MKI67: variants seen among roughly 807,000 people sequenced by gnomAD.
MKI67 encodes marker of proliferation Ki-67.
A neutral mutation model predicts 233.5 loss-of-function variants in MKI67; 152 were observed. The ratio of observed to expected loss-of-function variants is 0.65; its 90% CI spans 0.57 to 0.74. MKI67 has a LOEUF of 0.74. Among genes scored for constraint, MKI67 ranks in the 30% least tolerant of loss-of-function variants. The probability of loss-of-function intolerance (pLI) is 0.00; values close to 1 mark genes in which losing one functional copy is unlikely to be tolerated. For synonymous variants in MKI67, 1,465 were observed against 1,418.5 expected, an observed-to-expected ratio of 1.03 and a Z score of -0.74; for missense variants, 3,940 against 3,885.2, an observed-to-expected ratio of 1.01 and a Z score of -0.37.
intron 14 of MKI67, 93 bp from the exon 15 acceptor site, chr10:128,099,348 G>GT (rs1564996149): frequency 1.2e-6 from 1 of 813,380 alleles, no homozygotes; most frequent in African/African-American, 1.8e-5. Context: ...GGCTTACTAG[G>GT]TATTATGCAG....
In MKI67 at chr10:128,107,489, T is replaced by TGCTGGG. The variant is rs139382420; in HGVS notation, c.4350_4351insCCCAGC (p.Gly1450_Ser1451insProSer). ...TCCTTAGTTTTTGGGTGCCTCTTGCTACCAGTTACACTTGCTGCTGGGTCC... is the reference window on the plus strand; with the variant it reads ...TCCTTAGTTTTTGGGTGCCTCTTGCTGCTGGGACCAGTTACACTTGCTGCTGGGTCC... On this transcript the variant is annotated inframe_insertion, in exon 13 of 15. Coordinates refer to ENST00000368654, the MANE Select transcript of MKI67 (RefSeq NM_002417.5). 2.0e-3 allele frequency: 3,181 copies of TGCTGGG among 1,614,172 alleles called. 43 individuals are homozygous for TGCTGGG. The African/African-American group carries it at 0.035, about 18-fold the overall frequency.
rs368483125 is a variant in MKI67, at chr10:128,104,313, C to T, written c.7527G>A (p.Thr2509=). Residue 2509 remains threonine, a synonymous_variant, in exon 13 of 15, where the codon ACG becomes ACA. Coordinates refer to ENST00000368654, the MANE Select transcript of MKI67 (RefSeq NM_002417.5). ...SKLTRTSGET[T]QTHTEPTGDS... ...CTCCTGTTGGCTCTGTGTGTGTTTG[C>T]GTAGTCTCCCCTGATGTCCGTGTGA... The T allele has an allele frequency of 6.3e-5, 102 of 1,614,128 alleles. 1 individual carries two copies. The African/African-American group carries it at 8.9e-4, about 14-fold the overall frequency.
intron 6 of MKI67, 117 bp from the exon 7 acceptor site, chr10:128,116,124 G>A (rs1852802372): frequency 1.6e-6 from 2 of 1,213,184 alleles, no homozygotes; most frequent in Admixed American, 5.3e-5. Context: ...CTTTTACTTG[G>A]CCTACAAATT....
Position 128,106,962 on chromosome 10 carries a change from T to C in MKI67, c.4878A>G (p.Pro1626=), listed in dbSNP as rs762665078. 6.2e-7 allele frequency: 1 copy of C among 1,614,060 alleles called. No individual in the cohort carries two copies. The highest frequency in any genetic ancestry group is 1.3e-5 in the African/African-American group (1 of 74,900). Reference sequence around the variant, plus strand: ...TCTTGAGCCGTCGCTTGGAGCTTGCTGGGTTTTTGTCTGGGTCTGGTTGTG... The same window carrying C: ...TCTTGAGCCGTCGCTTGGAGCTTGCCGGGTTTTTGTCTGGGTCTGGTTGTG... The part of the protein sequence containing the change: ...KSSQPDPDKN[P]ASSKRRLKTS... Residue 1626 remains proline (P), a synonymous_variant, in exon 13 of 15, where the codon CCA becomes CCG. Transcript: ENST00000368654.
Position 128,125,821 on chromosome 10 carries a change from CCT to C in MKI67, c.-89-67_-89-66del. ...TAAGAAGGGCCCCGTGCCCAATTCA[CCT>C]ATCCCCGGCCACAGAAGCGCACACC... On this transcript the variant is annotated intron_variant, in intron 1 of 14. Coordinates refer to ENST00000368654, the MANE Select transcript of MKI67 (RefSeq NM_002417.5). The surrounding 1 kb of genome is among the most constrained non-coding windows in gnomAD (Gnocchi z 5.3). The C allele has an allele frequency of 1.4e-6, 1 of 698,224 alleles. No individual in the cohort carries two copies. Among genetic ancestry groups the C allele is most frequent in the African/African-American group, 1.8e-5 (1 of 56,470 alleles). 43.3% of individuals were successfully genotyped at this position (698,224 alleles called of 1,614,324 possible). A position where few individuals can be genotyped will look rare whatever the true frequency, so the allele number is the denominator to read the frequency against.
Position 128,112,411 on chromosome 10 carries a change from C to T in MKI67, c.1691G>A (p.Gly564Asp), listed in dbSNP as rs145376347. 1.2e-6 allele frequency: 2 copies of T among 1,614,120 alleles called. No individual in the cohort carries two copies. The highest frequency in any genetic ancestry group is 2.2e-5 in the East Asian group (1 of 44,892). Residue 564 changes from glycine (G) to aspartate (D), a missense_variant, in exon 9 of 15, where the codon GGT becomes GAT. By Grantham distance (94) the Gly-to-Asp change is moderately conservative (BLOSUM62 -1). Coordinates refer to ENST00000368654, the MANE Select transcript of MKI67 (RefSeq NM_002417.5). ...QPQPSGKQES[G>D]SEIHVEVKAQ... ...CTTCACTTCCACATGGATTTCTGAACCTGACTCTTGTTTTCCTGATGGTTG... is the reference window on the plus strand; with the variant it reads ...CTTCACTTCCACATGGATTTCTGAATCTGACTCTTGTTTTCCTGATGGTTG...
At chr10:128,113,208 C>T (rs1457731998) in intron 8 of MKI67, among the ~76,000 whole-genome samples, 3 of 89,084 alleles carry the variant, frequency 3.4e-5, no homozygotes, top group Non-Finnish European at 2.6e-5. Flanking sequence ...ATCAAGGACT[C>T]CCCCGACTCG....
chr10:128,107,048 G>A lies in MKI67; in HGVS notation c.4792C>T (p.Arg1598Ter), dbSNP rs746363806. ...LAGFKELFQT[R>*]GHTEESMTND... ...GTCATTGATTCCTCAGTGTGACCTC[G>A]TGTCTGGAAGAGCTCTTTAAAGCCA... The change falls in exon 13 of 15, where the codon CGA (arginine) becomes TGA (stop). Residue 1598 changes from arginine to a stop codon, truncating the protein, a stop_gained. Transcript: ENST00000368654. LOFTEE classifies it high-confidence loss of function. 7 of 1,613,954 alleles carry A rather than the reference G, an allele frequency of 4.3e-6. No individual in the cohort carries two copies. The highest frequency in any genetic ancestry group is 1.3e-5 in the African/African-American group (1 of 74,876).
Position 128,104,985 on chromosome 10 carries a change from A to G in MKI67, c.6855T>C (p.Thr2285=). ...CTGGCAGGTCCAATTTCTGCACTGG[A>G]GTTCCCATAAATGCTTTCATGTCTT... ...DEKDMKAFMG[T]PVQKLDLPGN... is the part of the protein sequence containing the mutation. The change falls in exon 13 of 15, where the codon ACT becomes ACC. Residue 2285 remains threonine (T), a synonymous_variant. Transcript: ENST00000368654. 6.2e-7 allele frequency: 1 copy of G among 1,612,758 alleles called. No homozygotes were observed.
Position 128,123,095 on chromosome 10 carries a change from T to G in MKI67, c.167A>C (p.Gln56Pro), listed in dbSNP as rs915294450. 1.2e-6 allele frequency: 2 copies of G among 1,613,476 alleles called. No homozygotes were observed. Among genetic ancestry groups the G allele is most frequent in the Non-Finnish European group, 1.7e-6 (2 of 1,179,566 alleles). Residue 56 changes from glutamine (Q) to proline (P), a missense_variant, in exon 3 of 15, where the codon CAG (glutamine) becomes CCG (proline). By Grantham distance (76) the Gln-to-Pro change is moderately conservative. Coordinates refer to ENST00000368654, the MANE Select transcript of MKI67 (RefSeq NM_002417.5). Reference sequence around the variant, plus strand: ...ATCTTCAAAAAACCCACTCACCTCCTGCTCATGGATTTCAATTTTGCAATG... The same window carrying G: ...ATCTTCAAAAAACCCACTCACCTCCGGCTCATGGATTTCAATTTTGCAATG... ...KQHCKIEIHE[Q>P]EAILHNFSST...
rs1347390219 is a variant in MKI67, at chr10:128,103,868, C to A, written c.7972G>T (p.Glu2658Ter). 3 of 1,613,934 alleles carry A rather than the reference C, an allele frequency of 1.9e-6. No homozygotes were observed. Among genetic ancestry groups the A allele is most frequent in the Non-Finnish European group, 2.5e-6 (3 of 1,179,998 alleles). ...QRAKKKPNPVEEEPSRRRPRA... is the reference protein window; with the variant it reads ...QRAKKKPNPV Reference sequence around the variant, plus strand: ...GGCCTTCTCCTGCTGGGTTCCTCTTCTACTGGGTTTGGTTTCTTCTTTGCA... The same window carrying A: ...GGCCTTCTCCTGCTGGGTTCCTCTTATACTGGGTTTGGTTTCTTCTTTGCA... The change falls in exon 13 of 15, where the codon GAA (glutamate) becomes TAA (stop). Residue 2658 changes from glutamate to a stop codon, truncating the protein, a stop_gained. Transcript: ENST00000368654. LOFTEE classifies it high-confidence loss of function.
In MKI67 at chr10:128,125,098, G is replaced by A. The variant is rs544029537; in HGVS notation, c.92+478C>T. On this transcript the variant is annotated intron_variant, in intron 2 of 14. Transcript: ENST00000368654. The surrounding 1 kb of genome is among the most constrained non-coding windows in gnomAD (Gnocchi z 5.3). ...CAGGGTTATTACCACCACCAAACAG[G>A]ACAGCAATATAAGAGGAAACGTTCT... 2.6e-5 allele frequency among the ~76,000 whole-genome samples: 4 copies of A among 152,270 alleles called. No homozygotes were observed. The South Asian group carries it at 8.3e-4, about 32-fold the overall frequency.
At chr10:128,110,881 C>T (rs1310825944) in intron 11 of MKI67, among the ~76,000 whole-genome samples, 1 of 152,236 alleles carries the variant, frequency 6.6e-6, no homozygotes, top group Non-Finnish European at 1.5e-5. Context: ...CTGCTAGGAT[C>T]TAGAGGCCAA....
chr10:128,101,625 T>C lies in MKI67; in HGVS notation c.9338A>G (p.Glu3113Gly). 6.2e-7 allele frequency: 1 copy of C among 1,613,930 alleles called. No homozygotes were observed. Among genetic ancestry groups the C allele is most frequent in the Non-Finnish European group, 8.5e-7 (1 of 1,179,994 alleles). Reference sequence around the variant, plus strand: ...TTCATTTCTGTTTATTTCTATTCTTTCTGCTAATACAAAGACCTCAGTTAT... The same window carrying C: ...TTCATTTCTGTTTATTTCTATTCTTCCTGCTAATACAAAGACCTCAGTTAT... ...QQITEVFVLA[E>G]RIEINRNEKK... is the part of the protein sequence containing the mutation. Residue 3113 changes from glutamate (E) to glycine (G), a missense_variant, in exon 14 of 15, where the codon GAA becomes GGA. Glu to Gly is a moderately conservative substitution (Grantham distance 98, BLOSUM62 -2). Coordinates refer to ENST00000368654, the MANE Select transcript of MKI67 (RefSeq NM_002417.5).
chr10:128,102,726 T>C lies in MKI67; in HGVS notation c.9114A>G (p.Arg3038=), dbSNP rs564902009. Residue 3038 remains arginine (R), a synonymous_variant, in exon 13 of 15, where the codon AGA becomes AGG. Transcript: ENST00000368654. Reference sequence around the variant, plus strand: ...TGACCACGGGTTCGGATGATTTGCCTCTTGCCCTGGGAGCAACCCTCTGCT... The same window carrying C: ...TGACCACGGGTTCGGATGATTTGCCCCTTGCCCTGGGAGCAACCCTCTGCT... ...SKKQRVAPRA[R]GKSSEPVVIM... is the part of the protein sequence containing the mutation. 41 of 1,614,222 alleles carry C rather than the reference T, an allele frequency of 2.5e-5. No homozygotes were observed. The East Asian group carries it at 8.9e-4, about 35-fold the overall frequency.
Position 128,099,023 on chromosome 10 carries a change from C to A in MKI67, c.*167G>T. ...CAGTCCAGGAGCCCAGCAGTGCTCCCAGTGGAGTTTATGAAGCCGATTCAG... is the reference window on the plus strand; with the variant it reads ...CAGTCCAGGAGCCCAGCAGTGCTCCAAGTGGAGTTTATGAAGCCGATTCAG... On this transcript the variant is annotated 3_prime_UTR_variant, in exon 15 of 15. Coordinates refer to ENST00000368654, the MANE Select transcript of MKI67 (RefSeq NM_002417.5). 1.8e-6 allele frequency: 1 copy of A among 547,776 alleles called. No homozygotes were observed. The highest frequency in any genetic ancestry group is 3.2e-6 in the Non-Finnish European group (1 of 312,194). 33.9% of individuals were successfully genotyped at this position (547,776 alleles called of 1,614,324 possible). A position where few individuals can be genotyped will look rare whatever the true frequency, so the allele number is the denominator to read the frequency against.
chr10:128,103,482 C>A lies in MKI67; in HGVS notation c.8358G>T (p.Arg2786=), dbSNP rs761507382. ...GGGCACTTTCCCTGGGTGCTCTTGG[C>A]CGTCTCCTGCTGCCAGTTACACTTG... is the stretch of plus-strand genomic sequence containing the variant. ...PAASVTGSRR[R]PRAPRESAQA... Residue 2786 remains arginine, a synonymous_variant, in exon 13 of 15, where the codon CGG becomes CGT. Coordinates refer to ENST00000368654, the MANE Select transcript of MKI67 (RefSeq NM_002417.5). 4 of 1,613,926 alleles carry A rather than the reference C, an allele frequency of 2.5e-6. No homozygotes were observed. The highest frequency in any genetic ancestry group is 3.4e-6 in the Non-Finnish European group (4 of 1,179,920).
At chr10:128,124,401 G>T (rs1853014080) in intron 2 of MKI67, among the ~76,000 whole-genome samples, 1 of 152,164 alleles carries the variant, frequency 6.6e-6, no homozygotes, top group South Asian at 2.1e-4. Context: ...CTGGTAGGAT[G>T]CCCACCCTGA....
At chr10:128,119,041 T>C (rs1431997090) in intron 5 of MKI67, among the ~76,000 whole-genome samples, 1 of 152,200 alleles carries the variant, frequency 6.6e-6, no homozygotes, top group Admixed American at 6.5e-5. Flanking sequence ...ACCAACTTAG[T>C]GCTCTGATTT....
Sources: gnomAD v4.1 joint callset for allele counts (sites outside exome capture counted in the v4.1 genomes callset) on GRCh38, gnomAD v4.1.1 for gene constraint, Gnocchi (gnomAD v3.1) non-coding constraint, MANE v1.5 for transcripts, NCBI Gene and HGNC (gene_info 2026-07-23, HGNC 2026-07-21) for gene names.